Variants in ST3GAL4 observed in about 807,000 individuals in gnomAD.
The protein encoded by ST3GAL4 is CMP-N-acetylneuraminate-beta-galactosamide-alpha-2,3-sialyltransferase 4.
ST3GAL4 carries 24 observed loss-of-function variants against 42.6 expected under a neutral mutation model. That is an observed-to-expected ratio of 0.56 (90% CI 0.41 to 0.79). The LOEUF is 0.79. ST3GAL4 is among the 30% of genes least tolerant of loss of function. The probability of loss-of-function intolerance (pLI) is 0.00; values close to 1 mark genes in which losing one functional copy is unlikely to be tolerated. For missense variants in ST3GAL4, 311 were observed against 430.8 expected (o/e 0.72, Z 2.46); for synonymous variants, 135 against 163.2 (o/e 0.83, Z 1.32).
rs773156623 is a variant in ST3GAL4, at chr11:126,409,241, C to G, written c.628-27C>G. 1 of 1,609,414 alleles carries G rather than the reference C, an allele frequency of 6.2e-7. No individual in the cohort carries two copies. The highest frequency in any genetic ancestry group is 1.7e-5 in the Admixed American group (1 of 59,936). On this transcript the variant is annotated intron_variant, in intron 8 of 10. Transcript: ENST00000444328. The surrounding 1 kb of genome is among the most constrained non-coding windows in gnomAD (Gnocchi z 4.9). The stretch of plus-strand genomic sequence containing the variant: ...GAAACAGGGCTTCACCCGCTTCTGT[C>G]TCTCTCTTCTGACCCCATCCTCCTA...
chr11:126,368,974 G>A (rs1298672022), intron 1 of ST3GAL4, among the ~76,000 whole-genome samples: 2 of 152,150 alleles, frequency 1.3e-5, no homozygotes, highest in Admixed American at 6.5e-5. Context: ...AGTTTGGCAA[G>A]TAGGGGGAGG....
At position 126,392,868 on chromosome 11, in the gene ST3GAL4, G is replaced by A. The variant is rs1483866869; in HGVS notation, c.-60-13228G>A. Among the ~76,000 whole-genome samples, 9 of 152,138 alleles carry A rather than the reference G, an allele frequency of 5.9e-5. No individual in the cohort carries two copies. The highest frequency in any genetic ancestry group is 5.9e-4 in the Admixed American group (9 of 15,282). On this transcript the variant is annotated intron_variant, in intron 1 of 10. Coordinates refer to ENST00000444328, the MANE Select transcript of ST3GAL4 (RefSeq NM_001254757.2). This position sits in a 1 kb window ranked among gnomAD's most constrained non-coding sequence, Gnocchi z 5.8. Reference sequence around the variant, plus strand: ...CCCATGCAGGGAGGAAACTGTGGCTGGGAGGAGAGGAGGCCGGAAGAGAGG... The same window carrying A: ...CCCATGCAGGGAGGAAACTGTGGCTAGGAGGAGAGGAGGCCGGAAGAGAGG...
chr11:126,386,924 G>C lies in ST3GAL4; in HGVS notation c.-60-19172G>C, dbSNP rs1953247911. 6.6e-6 allele frequency among the ~76,000 whole-genome samples: 1 copy of C among 152,034 alleles called. No homozygotes were observed. The highest frequency in any genetic ancestry group is 1.5e-5 in the Non-Finnish European group (1 of 68,002). On this transcript the variant is annotated intron_variant, in intron 1 of 10. Transcript: ENST00000444328. The surrounding 1 kb of genome is among the most constrained non-coding windows in gnomAD (Gnocchi z 4.7). ...ACCCCTCCCCCACCCCGCTGGAGAA[G>C]CCCTGCACCAGAGCATACAGTTTGG...
chr11:126,403,476 TCA>T (rs2135530782), intron 1 of ST3GAL4: 1 of 983,034 alleles, frequency 1.0e-6, no homozygotes, highest in South Asian at 4.7e-5. Context: ...CATTTTAGAA[TCA>T]CAGAGGAGGT....
At position 126,408,386 on chromosome 11, in the gene ST3GAL4, G is replaced by A; in HGVS notation, c.517G>A (p.Ala173Thr). The A allele has an allele frequency of 6.2e-7, 1 of 1,614,178 alleles. No individual in the cohort carries two copies. Among genetic ancestry groups the A allele is most frequent in the Non-Finnish European group, 8.5e-7 (1 of 1,180,032 alleles). The stretch of plus-strand genomic sequence containing the variant: ...CATGCGTCTCTTCTACCCTGAATCT[G>A]CCCACTTCGACCCCAAAGTAGAAAA... ...TTMRLFYPES[A>T]HFDPKVENNP... is the part of the protein sequence containing the mutation. The change falls in exon 8 of 11, where the codon GCC becomes ACC. Residue 173 changes from alanine (A) to threonine (T), a missense_variant. Transcript: ENST00000444328.
At chr11:126,385,288 G>A (rs1279615786) in intron 1 of ST3GAL4, among the ~76,000 whole-genome samples, 2 of 151,876 alleles carry the variant, frequency 1.3e-5, no homozygotes, top group Non-Finnish European at 2.9e-5. Context: ...CCGAGTAGGG[G>A]ACTACAGGCG....
Position 126,409,903 on chromosome 11 carries a change from G to A in ST3GAL4, c.771+492G>A, listed in dbSNP as rs1954444055. 6.6e-6 allele frequency among the ~76,000 whole-genome samples: 1 copy of A among 152,096 alleles called. No individual in the cohort carries two copies. The highest frequency in any genetic ancestry group is 1.9e-4 in the East Asian group (1 of 5,180). Reference sequence around the variant, plus strand: ...AGTCAATGTAGTTTTGCAAGTTATGGGTTTTTGTTTTGTTTTAAAGATAGC... The same window carrying A: ...AGTCAATGTAGTTTTGCAAGTTATGAGTTTTTGTTTTGTTTTAAAGATAGC... On this transcript the variant is annotated intron_variant, in intron 9 of 10. Transcript: ENST00000444328. The surrounding 1 kb of genome is among the most constrained non-coding windows in gnomAD (Gnocchi z 4.9).
intron 1 of ST3GAL4, among the ~76,000 whole-genome samples, chr11:126,399,947 G>C (rs1170332750): frequency 6.6e-6 from 1 of 151,834 alleles, no homozygotes; most frequent in Non-Finnish European, 1.5e-5. Context: ...AGAAGTTTCA[G>C]ACTTTCCCTA....
chr11:126,357,828 G>T (rs7928577), intron 1 of ST3GAL4, among the ~76,000 whole-genome samples: 17,412 of 152,258 alleles, frequency 0.11, 1,280 homozygotes, highest in African/African-American at 0.21. Context: ...CCTCAGAGAG[G>T]CTGCTCCTGG....
chr11:126,406,400 G>A lies in ST3GAL4; in HGVS notation c.17-73G>A, dbSNP rs1954232252. ...AGGGGTCGGAGGGACTCAGAAGGGG[G>A]CAGGTGGGAAGGTGGACGGGGGTTG... On this transcript the variant is annotated intron_variant, in intron 2 of 10. Transcript: ENST00000444328. This position sits in a 1 kb window ranked among gnomAD's most constrained non-coding sequence, Gnocchi z 5.4. 2 of 1,610,274 alleles carry A rather than the reference G, an allele frequency of 1.2e-6. No homozygotes were observed. The highest frequency in any genetic ancestry group is 2.2e-5 in the South Asian group (2 of 90,682).
chr11:126,380,520 A>G (rs1952956124), intron 1 of ST3GAL4, among the ~76,000 whole-genome samples: 1 of 152,196 alleles, frequency 6.6e-6, no homozygotes, highest in Non-Finnish European at 1.5e-5. Flanking sequence ...TTCTTGCCAT[A>G]AAGGTCGGTG....
At chr11:126,358,279 C>T (rs190315590) in intron 1 of ST3GAL4, 85 of 265,404 alleles carry the variant, frequency 3.2e-4, no homozygotes, top group Non-Finnish European at 4.9e-4. Context: ...GTTTCCCTCA[C>T]GCTGGGATCC....
chr11:126,414,500 G>A lies in ST3GAL4; in HGVS notation c.*453G>A. 5.7e-6 allele frequency: 1 copy of A among 174,936 alleles called. No individual in the cohort carries two copies. The highest frequency in any genetic ancestry group is 1.2e-5 in the Non-Finnish European group (1 of 81,324). 10.8% of individuals were successfully genotyped at this position (174,936 alleles called of 1,614,324 possible). A position where few individuals can be genotyped will look rare whatever the true frequency, so the allele number is the denominator to read the frequency against. ...AGGAGGGCAGGGGCATTGGGAATGG[G>A]TGGGTGCCCTCCAGAGAGGGGCTGC... On this transcript the variant is annotated 3_prime_UTR_variant, in exon 11 of 11. Transcript: ENST00000444328.
chr11:126,360,711 C>G (rs949491331), intron 1 of ST3GAL4, among the ~76,000 whole-genome samples: 1 of 152,130 alleles, frequency 6.6e-6, no homozygotes, highest in African/African-American at 2.4e-5. Flanking sequence ...CGTGAGCCAC[C>G]GTGCCCAGCC....
At chr11:126,360,989 A>C (rs1952223816) in intron 1 of ST3GAL4, among the ~76,000 whole-genome samples, 1 of 152,188 alleles carries the variant, frequency 6.6e-6, no homozygotes, top group Non-Finnish European at 1.5e-5. Flanking sequence ...GACCTCAGAG[A>C]GGCAGGCAGG....
intron 4 of ST3GAL4, 47 bp downstream of exon 4, chr11:126,407,070 T>C (rs1187070480): frequency 6.3e-7 from 1 of 1,582,254 alleles, no homozygotes; most frequent in African/African-American, 1.3e-5. Flanking sequence ...TGGAGCGAGC[T>C]GGGATTGAGG....
At position 126,409,904 on chromosome 11, in the gene ST3GAL4, G is replaced by T. The variant is rs1320043108; in HGVS notation, c.771+493G>T. Among the ~76,000 whole-genome samples, 1 of 152,102 alleles carries T rather than the reference G, an allele frequency of 6.6e-6. No homozygotes were observed. ...GTCAATGTAGTTTTGCAAGTTATGG[G>T]TTTTTGTTTTGTTTTAAAGATAGCG... On this transcript the variant is annotated intron_variant, in intron 9 of 10. Coordinates refer to ENST00000444328, the MANE Select transcript of ST3GAL4 (RefSeq NM_001254757.2). The surrounding 1 kb of genome is among the most constrained non-coding windows in gnomAD (Gnocchi z 4.9).
In ST3GAL4 at chr11:126,394,400, C is replaced by G. The variant is rs1176130931; in HGVS notation, c.-60-11696C>G. ...AGAAGGGAATTCAAAGCCTCTGCCC[C>G]TCTCAGGCAGGCACCAGGATATGAT... On this transcript the variant is annotated intron_variant, in intron 1 of 10. Coordinates refer to ENST00000444328, the MANE Select transcript of ST3GAL4 (RefSeq NM_001254757.2). 2.0e-5 allele frequency among the ~76,000 whole-genome samples: 3 copies of G among 152,200 alleles called. No individual in the cohort carries two copies. The East Asian group carries it at 5.8e-4, about 29-fold the overall frequency.
intron 1 of ST3GAL4, among the ~76,000 whole-genome samples, chr11:126,365,382 G>A (rs908097749): frequency 3.3e-5 from 5 of 152,138 alleles, no homozygotes; most frequent in African/African-American, 4.8e-5. Context: ...CTTAGATTAC[G>A]CAGGGCATGG....
Sources: gnomAD v4.1 joint callset for allele counts (sites outside exome capture counted in the v4.1 genomes callset) on GRCh38, gnomAD v4.1.1 for gene constraint, Gnocchi (gnomAD v3.1) non-coding constraint, MANE v1.5 for transcripts, NCBI Gene and HGNC (gene_info 2026-07-23, HGNC 2026-07-21) for gene names.